The following MINDY4B variants were observed in gnomAD, a reference collection of about 807,000 sequenced individuals.
MINDY4B encodes the protein MINDY family member 4B.
In MINDY4B, 25 loss-of-function variants were observed where a neutral mutation model predicts 16.7. The ratio of observed to expected loss-of-function variants is 1.49; its 90% CI spans 1.09 to 2.09. The LOEUF (loss-of-function observed/expected upper bound fraction) is 2.09. MINDY4B is among the 30% of genes most tolerant of loss of function. The pLI is 0.00. For missense variants in MINDY4B, 327 were observed against 168.4 expected (o/e 1.94, Z -5.21); for synonymous variants, 132 against 61.9 (o/e 2.13, Z -5.32).
rs1000292313 is a variant in MINDY4B at position 150,891,081 on chromosome 3, C to T, written c.544G>A (p.Glu182Lys). ...LGNLCEISKK[E>K]QEQALAAALA... is the part of the protein sequence containing the mutation. The stretch of plus-strand genomic sequence containing the variant: ...GCCGCGGCCAAGGCTTGCTCCTGCT[C>T]CTTCTTGCTTATTTCACATAAGCTA... The change falls in exon 6 of 12, where the codon GAG becomes AAG. Residue 182 changes from glutamate to lysine, a missense_variant. By Grantham distance (56) the Glu-to-Lys change is moderately conservative. Transcript: ENST00000465419. The T allele has an allele frequency of 4.6e-5, 32 of 702,470 alleles. No homozygotes were observed. The highest frequency in any genetic ancestry group is 7.3e-5 in the Non-Finnish European group (28 of 384,678). The allele number at this position is 702,470 out of a possible 1,614,324, so 43.5% of individuals were successfully genotyped here. A position where few individuals can be genotyped will look rare whatever the true frequency, so the allele number is the denominator to read the frequency against.
chr3:150,893,561 C>G lies in MINDY4B; in HGVS notation c.430-146G>C. The G allele has an allele frequency of 4.6e-6, 3 of 646,880 alleles. No homozygotes were observed. The South Asian group carries it at 5.2e-5, about 11-fold the overall frequency. The allele number at this position is 646,880 out of a possible 1,614,324, so 40.1% of individuals were successfully genotyped here. On this transcript the variant is annotated intron_variant, in intron 4 of 11. Transcript: ENST00000465419. ...TATTTGTGCCACTCCTCCCTGCAGCCGTGGCTGGTGCTGTGGCTGGGCTGG... is the reference window on the plus strand; with the variant it reads ...TATTTGTGCCACTCCTCCCTGCAGCGGTGGCTGGTGCTGTGGCTGGGCTGG...
chr3:150,891,592 T>C (rs1711804590), intron 5 of MINDY4B, among the ~76,000 whole-genome samples: 1 of 151,660 alleles, frequency 6.6e-6, no homozygotes, highest in Non-Finnish European at 1.5e-5. Flanking sequence ...CGAAACCCCT[T>C]CTATACTTAA....
At chr3:150,904,056 G>C (rs1358278945) in intron 2 of MINDY4B, among the ~76,000 whole-genome samples, 1 of 152,170 alleles carries the variant, frequency 6.6e-6, no homozygotes, top group Non-Finnish European at 1.5e-5. Flanking sequence ...AAACATGAGG[G>C]AAACCACCTT....
At chr3:150,889,368 G>A (rs1711708366) in intron 7 of MINDY4B, among the ~76,000 whole-genome samples, 1 of 152,210 alleles carries the variant, frequency 6.6e-6, no homozygotes, top group Non-Finnish European at 1.5e-5. Context: ...CAAGGGCAGG[G>A]GGCACTCTTC....
At chr3:150,878,223 C>T (rs1339572774) in intron 10 of MINDY4B, among the ~76,000 whole-genome samples, 1 of 152,148 alleles carries the variant, frequency 6.6e-6, no homozygotes, top group Non-Finnish European at 1.5e-5. Context: ...TTCATATATA[C>T]TTGAATATAA....
intron 10 of MINDY4B, among the ~76,000 whole-genome samples, chr3:150,873,628 G>A (rs1266363150): frequency 2.6e-5 from 4 of 152,142 alleles, no homozygotes; most frequent in Non-Finnish European, 5.9e-5. Context: ...TCACAGAGGA[G>A]GCAAAACAAC....
chr3:150,898,886 G>A (rs1405219429), intron 3 of MINDY4B, among the ~76,000 whole-genome samples: 1 of 152,064 alleles, frequency 6.6e-6, no homozygotes, highest in East Asian at 1.9e-4. Flanking sequence ...CTTTGTCCCG[G>A]GTTTAGAGCT....
chr3:150,874,745 G>A (rs539404789), intron 10 of MINDY4B, among the ~76,000 whole-genome samples: 6 of 152,234 alleles, frequency 3.9e-5, no homozygotes, highest in East Asian at 1.9e-4. Flanking sequence ...AAATTATCAC[G>A]TGCTTTATCA....
intron 10 of MINDY4B, among the ~76,000 whole-genome samples, chr3:150,880,628 A>G (rs1244607873): frequency 6.6e-6 from 1 of 152,270 alleles, no homozygotes; most frequent in African/African-American, 2.4e-5. Flanking sequence ...TTACCTACTC[A>G]GATGACTGAA....
chr3:150,881,501 A>G (rs990460566), intron 10 of MINDY4B, among the ~76,000 whole-genome samples: 5 of 151,130 alleles, frequency 3.3e-5, no homozygotes, highest in African/African-American at 1.2e-4. Flanking sequence ...GGCTGGGCAC[A>G]GTGCCTCACA....
intron 10 of MINDY4B, among the ~76,000 whole-genome samples, 192 bp from the exon 11 acceptor site, chr3:150,873,559 G>A (rs1246187403): frequency 6.6e-6 from 1 of 152,162 alleles, no homozygotes; most frequent in African/African-American, 2.4e-5. Flanking sequence ...TGAATGATCT[G>A]GTATAGTGGT....
intron 2 of MINDY4B, 56 bp from the exon 3 acceptor site, chr3:150,903,472 GT>G (rs1280866073): frequency 5.0e-6 from 2 of 398,092 alleles, no homozygotes; most frequent in African/African-American, 4.1e-5. Flanking sequence ...TGATGACCTT[GT>G]TTTAAATTTT....
chr3:150,878,685 C>A (rs1373617629), intron 10 of MINDY4B, among the ~76,000 whole-genome samples: 1 of 152,188 alleles, frequency 6.6e-6, no homozygotes, highest in Non-Finnish European at 1.5e-5. Context: ...TCCTTTGCCC[C>A]ACTTCCAGTT....
intron 3 of MINDY4B, among the ~76,000 whole-genome samples, chr3:150,897,979 G>T (rs770843641): frequency 3.9e-5 from 6 of 152,194 alleles, no homozygotes; most frequent in Non-Finnish European, 8.8e-5. Context: ...CAAGGGCAAA[G>T]AAGCCCCAGT....
chr3:150,903,618 T>C (rs1357933923), intron 2 of MINDY4B, among the ~76,000 whole-genome samples: 1 of 152,168 alleles, frequency 6.6e-6, no homozygotes, highest in African/African-American at 2.4e-5. Flanking sequence ...CTCATAAGGG[T>C]TTATATGACT....
intron 3 of MINDY4B, among the ~76,000 whole-genome samples, chr3:150,897,259 C>T (rs1225410397): frequency 2.0e-5 from 3 of 151,834 alleles, no homozygotes; most frequent in African/African-American, 7.3e-5. Flanking sequence ...GATCTACAAA[C>T]ATGCACACAT....
chr3:150,890,214 C>G, intron 7 of MINDY4B, 106 bp downstream of exon 7: 1 of 408,614 alleles, frequency 2.4e-6, no homozygotes, highest in East Asian at 3.6e-5. Flanking sequence ...CTCAAAATGA[C>G]CTGGTTTTCT....
At position 150,870,928 on chromosome 3, in the gene MINDY4B, A is replaced by AT. The variant is rs1036316435; in HGVS notation, c.*116dup. 106 of 602,536 alleles carry AT rather than the reference A, an allele frequency of 1.8e-4. No individual in the cohort carries two copies. The highest frequency in any genetic ancestry group is 2.6e-4 in the Non-Finnish European group (88 of 340,220). The allele number at this position is 602,536 out of a possible 1,614,324, so 37.3% of individuals were successfully genotyped here. On this transcript the variant is annotated 3_prime_UTR_variant, in exon 12 of 12. Transcript: ENST00000465419. The stretch of plus-strand genomic sequence containing the variant: ...AAAACTGCTAATGGTATATATATAT[A>AT]TTTTTTGGTGGGGCTTGTGAATGAG...
chr3:150,881,462 C>T (rs762919584), intron 10 of MINDY4B, among the ~76,000 whole-genome samples: 1 of 151,206 alleles, frequency 6.6e-6, no homozygotes, highest in Non-Finnish European at 1.5e-5. Flanking sequence ...AAGCAGGTTT[C>T]GGAAGAGTAG....
Sources: allele counts gnomAD v4.1 joint callset (sites outside exome capture counted in the v4.1 genomes callset), GRCh38; gene constraint gnomAD v4.1.1; transcripts MANE v1.5; gene names NCBI Gene and HGNC (gene_info 2026-07-23, HGNC 2026-07-21).